Variants in KLHL1 observed in about 807,000 individuals in gnomAD.
KLHL1 encodes the protein kelch like family member 1.
Under a neutral mutation model 77.7 loss-of-function variants are expected in KLHL1, and 47 were observed. That is an observed-to-expected ratio of 0.60 (90% CI 0.48 to 0.77). The LOEUF (loss-of-function observed/expected upper bound fraction) is 0.77. Ranked by LOEUF, KLHL1 falls within the 30% of genes least tolerant of loss-of-function variation. KLHL1 has a pLI of 0.00. For missense variants in KLHL1, 925 were observed against 910.8 expected, an observed-to-expected ratio of 1.02 and a Z score of -0.20; for synonymous variants, 360 against 325.2, an observed-to-expected ratio of 1.11 and a Z score of -1.15.
At position 69,716,146 on chromosome 13, in the gene KLHL1, G is replaced by A. The variant is rs560493437; in HGVS notation, c.2015+3223C>T. Reference sequence around the variant, plus strand: ...CACCTCAACATCCACCCATCCTTCCGCTCTTACCAATCTATCTATCCATTT... The same window carrying A: ...CACCTCAACATCCACCCATCCTTCCACTCTTACCAATCTATCTATCCATTT... On this transcript the variant is annotated intron_variant, in intron 9 of 10. Coordinates refer to ENST00000377844, the MANE Select transcript of KLHL1 (RefSeq NM_020866.3). Among the ~76,000 whole-genome samples the A allele has an allele frequency of 6.6e-5, 10 of 151,902 alleles. No homozygotes were observed. The South Asian group carries it at 8.3e-4, about 13-fold the overall frequency.
intron 6 of KLHL1, among the ~76,000 whole-genome samples, chr13:69,824,555 A>G (rs943028670): frequency 4.6e-5 from 7 of 152,262 alleles, no homozygotes; most frequent in Admixed American, 2.0e-4. Flanking sequence ...GGATAAACAG[A>G]TTACTATTAA....
In KLHL1 at chr13:70,101,752, T is replaced by A. The variant is rs527544266; in HGVS notation, c.497+5451A>T. ...CCAACAGCCCTATTTCTTACGATTG[T>A]TTTAGTTTCTCTAAAGCACACTTGC... On this transcript the variant is annotated intron_variant, in intron 1 of 10. Coordinates refer to ENST00000377844, the MANE Select transcript of KLHL1 (RefSeq NM_020866.3). Among the ~76,000 whole-genome samples, 11 of 152,234 alleles carry A rather than the reference T, an allele frequency of 7.2e-5. No homozygotes were observed. The East Asian group carries it at 2.1e-3, about 29-fold the overall frequency.
intron 1 of KLHL1, among the ~76,000 whole-genome samples, chr13:70,050,003 A>AC (rs1341752053): frequency 5.3e-5 from 8 of 151,976 alleles, no homozygotes; most frequent in Admixed American, 1.3e-4. Context: ...AAAAACAAAA[A>AC]ATTAATAATG....
intron 7 of KLHL1, among the ~76,000 whole-genome samples, chr13:69,788,559 C>A (rs1241424213): frequency 1.3e-5 from 2 of 151,938 alleles, no homozygotes; most frequent in Non-Finnish European, 2.9e-5. Flanking sequence ...ATGCCTAATG[C>A]TAAATGATGA....
chr13:70,008,376 T>C (rs933395405), intron 1 of KLHL1, among the ~76,000 whole-genome samples: 1 of 152,060 alleles, frequency 6.6e-6, no homozygotes, highest in Admixed American at 6.6e-5. Context: ...TTGGGCCATA[T>C]CTTTTCAGGT....
At chr13:69,981,043 A>G (rs552454614) in intron 1 of KLHL1, among the ~76,000 whole-genome samples, 1 of 152,300 alleles carries the variant, frequency 6.6e-6, no homozygotes, top group African/African-American at 2.4e-5. Flanking sequence ...CCAAAACCTA[A>G]CAGAATGCCT....
At chr13:69,859,990 C>G (rs565287194) in intron 5 of KLHL1, among the ~76,000 whole-genome samples, 24 of 152,100 alleles carry the variant, frequency 1.6e-4, no homozygotes, top group African/African-American at 5.3e-4. Context: ...TAGTATGATA[C>G]CATCCCTGAC....
intron 6 of KLHL1, among the ~76,000 whole-genome samples, chr13:69,812,353 C>A (rs1007353938): frequency 5.9e-5 from 9 of 152,094 alleles, no homozygotes; most frequent in African/African-American, 2.2e-4. Context: ...AAATGTTAGA[C>A]CTGAAACCAT....
chr13:70,034,560 CTG>C (rs2137370880), intron 1 of KLHL1, among the ~76,000 whole-genome samples: 1 of 152,202 alleles, frequency 6.6e-6, no homozygotes, highest in East Asian at 1.9e-4. Flanking sequence ...AGAAGCAGGA[CTG>C]AGAAAAAAGT....
At chr13:69,861,745 C>T (rs186922547) in intron 5 of KLHL1, among the ~76,000 whole-genome samples, 36 of 133,734 alleles carry the variant, frequency 2.7e-4, no homozygotes, top group African/African-American at 9.1e-4. Context: ...GTCGGGAGTT[C>T]GAGATCAGCC....
At chr13:70,059,304 C>T (rs766843360) in intron 1 of KLHL1, among the ~76,000 whole-genome samples, 13 of 152,076 alleles carry the variant, frequency 8.5e-5, no homozygotes, top group East Asian at 1.9e-4. Context: ...GATTACAGCA[C>T]GCATCACTAT....
chr13:69,960,919 G>A (rs764253664), intron 3 of KLHL1, among the ~76,000 whole-genome samples: 10 of 152,028 alleles, frequency 6.6e-5, no homozygotes, highest in African/African-American at 2.2e-4. Context: ...TTACGTTAAA[G>A]TAACACATTC....
chr13:70,052,582 T>A (rs1886654883), intron 1 of KLHL1, among the ~76,000 whole-genome samples: 1 of 151,924 alleles, frequency 6.6e-6, no homozygotes, highest in South Asian at 2.1e-4. Context: ...ATTAGTTAAT[T>A]TTAAGTATAT....
At chr13:69,907,879 T>C (rs1334146222) in intron 4 of KLHL1, among the ~76,000 whole-genome samples, 1 of 151,970 alleles carries the variant, frequency 6.6e-6, no homozygotes, top group Non-Finnish European at 1.5e-5. Flanking sequence ...CATTTCAAAA[T>C]AAGATTTTTC....
intron 1 of KLHL1, among the ~76,000 whole-genome samples, chr13:70,004,759 A>G (rs1593667103): frequency 1.3e-5 from 2 of 151,970 alleles, no homozygotes. Flanking sequence ...ACTTTATTAT[A>G]TGAAATTGAA....
chr13:69,898,447 A>G (rs1881725596), intron 4 of KLHL1, among the ~76,000 whole-genome samples: 2 of 152,158 alleles, frequency 1.3e-5, no homozygotes, highest in Admixed American at 1.3e-4. Flanking sequence ...ACAGGTGACA[A>G]TGACACTTGC....
At chr13:70,057,127 A>G (rs1204085579) in intron 1 of KLHL1, among the ~76,000 whole-genome samples, 1 of 152,170 alleles carries the variant, frequency 6.6e-6, no homozygotes, top group Non-Finnish European at 1.5e-5. Flanking sequence ...GCAGAAAGCA[A>G]ATGATCATTA....
chr13:69,829,450 G>A (rs1194530918), intron 6 of KLHL1, among the ~76,000 whole-genome samples: 1 of 150,034 alleles, frequency 6.7e-6, no homozygotes, highest in Non-Finnish European at 1.5e-5. Context: ...CAGCCCTTAA[G>A]CCCCAGATCT....
At chr13:69,975,003 C>T (rs761060080) in intron 2 of KLHL1, among the ~76,000 whole-genome samples, 5 of 151,994 alleles carry the variant, frequency 3.3e-5, no homozygotes, top group Non-Finnish European at 4.4e-5. Context: ...AAGACACTGA[C>T]TTAAATTCAA....
Sources: allele counts gnomAD v4.1 joint callset (sites outside exome capture counted in the v4.1 genomes callset), GRCh38; gene constraint gnomAD v4.1.1; transcripts MANE v1.5; gene names NCBI Gene and HGNC (gene_info 2026-07-23, HGNC 2026-07-21).